Variants in CACNB2 observed in about 807,000 individuals in gnomAD.
The protein encoded by CACNB2 is voltage-dependent L-type calcium channel subunit beta-2.
Under a neutral mutation model 73.3 loss-of-function variants are expected in CACNB2, and 42 were observed. That is an observed-to-expected ratio of 0.57 (90% CI 0.45 to 0.74). The LOEUF is 0.74. Among genes scored for constraint, CACNB2 ranks in the 30% least tolerant of loss-of-function variants. CACNB2 has a pLI of 0.00. For synonymous variants in CACNB2, 348 were observed against 310.3 expected, an observed-to-expected ratio of 1.12 and a Z score of -1.28; for missense variants, 940 against 853.0, an observed-to-expected ratio of 1.10 and a Z score of -1.27.
At chr10:18,168,862 C>A (rs1355875931) in intron 2 of CACNB2, among the ~76,000 whole-genome samples, 1 of 152,176 alleles carries the variant, frequency 6.6e-6, no homozygotes, top group Non-Finnish European at 1.5e-5. Context: ...GGTTCCTTGA[C>A]ATAGGCCAAT....
At chr10:18,487,909 C>G (rs1027415834) in intron 3 of CACNB2, among the ~76,000 whole-genome samples, 4 of 151,716 alleles carry the variant, frequency 2.6e-5, no homozygotes, top group African/African-American at 7.2e-5. Flanking sequence ...ACCAAGGACC[C>G]TGCACAGGAA....
At chr10:18,499,875 G>A (rs1370306836) in intron 4 of CACNB2, among the ~76,000 whole-genome samples, 1 of 151,774 alleles carries the variant, frequency 6.6e-6, no homozygotes, top group Non-Finnish European at 1.5e-5. Context: ...TACTCAGGAG[G>A]CCAGTGGATT....
At chr10:18,369,540 A>C (rs2042490476) in intron 2 of CACNB2, among the ~76,000 whole-genome samples, 1 of 152,192 alleles carries the variant, frequency 6.6e-6, no homozygotes, top group South Asian at 2.1e-4. Context: ...CTTTGAAAGG[A>C]CTACTTTATT....
chr10:18,489,390 C>CAAA (rs66974116), intron 3 of CACNB2, among the ~76,000 whole-genome samples: 5 of 59,778 alleles, frequency 8.4e-5, no homozygotes, highest in South Asian at 1.7e-3. Flanking sequence ...AACTCCATCT[C>CAAA]AAAAAAAAAA....
In CACNB2 at chr10:18,398,674, CACACACACACACACACAT is replaced by C. The variant is rs1318615177; in HGVS notation, c.214-3232_214-3215del. Among the ~76,000 whole-genome samples the C allele has an allele frequency of 6.2e-3, 786 of 127,780 alleles. 5 individuals carry two copies. Among genetic ancestry groups the C allele is most frequent in the African/African-American group, 0.021 (679 of 32,638 alleles). The allele number at this position is 127,780 out of a possible 152,430, so 83.8% of individuals were successfully genotyped here. ...TGGGTGACAGTGAGACTGTCACACA[CACACACACACACACACAT>C]ACACACACACACACACACACACAAT... On this transcript the variant is annotated intron_variant, in intron 2 of 13. Coordinates refer to ENST00000324631, the MANE Select transcript of CACNB2 (RefSeq NM_201596.3).
At chr10:18,198,816 T>G (rs1308875229) in intron 2 of CACNB2, among the ~76,000 whole-genome samples, 1 of 152,194 alleles carries the variant, frequency 6.6e-6, no homozygotes, top group South Asian at 2.1e-4. Context: ...AGATCCACCT[T>G]CCATTCTCCC....
chr10:18,507,570 G>T (rs1006369195), intron 6 of CACNB2, among the ~76,000 whole-genome samples: 1 of 152,132 alleles, frequency 6.6e-6, no homozygotes, highest in African/African-American at 2.4e-5. Context: ...TGCTAAATCT[G>T]GGAACTCTCC....
At chr10:18,213,210 C>A (rs905033635) in intron 2 of CACNB2, among the ~76,000 whole-genome samples, 1 of 152,132 alleles carries the variant, frequency 6.6e-6, no homozygotes, top group South Asian at 2.1e-4. Flanking sequence ...AAGGGTCCTG[C>A]GCCTTGGTAG....
At chr10:18,433,024 T>C (rs1023641874) in intron 3 of CACNB2, among the ~76,000 whole-genome samples, 45 of 152,132 alleles carry the variant, frequency 3.0e-4, no homozygotes, top group Non-Finnish European at 5.9e-5. Context: ...CCTTTGGGCT[T>C]CCTGTTTCTG....
intron 2 of CACNB2, among the ~76,000 whole-genome samples, chr10:18,395,194 T>C (rs1472987015): frequency 2.0e-5 from 3 of 152,212 alleles, no homozygotes; most frequent in Admixed American, 6.5e-5. Flanking sequence ...CACTGACCTC[T>C]TTTCAATTCC....
At chr10:18,469,879 A>G (rs953263432) in intron 3 of CACNB2, among the ~76,000 whole-genome samples, 1 of 152,178 alleles carries the variant, frequency 6.6e-6, no homozygotes, top group Non-Finnish European at 1.5e-5. Context: ...CCACATTTAT[A>G]CATGTTTATG....
intron 2 of CACNB2, among the ~76,000 whole-genome samples, chr10:18,262,534 G>A (rs1245324476): frequency 2.0e-5 from 3 of 152,192 alleles, no homozygotes; most frequent in Non-Finnish European, 4.4e-5. Flanking sequence ...GACGACATCT[G>A]CAGGGATAGA....
intron 2 of CACNB2, among the ~76,000 whole-genome samples, chr10:18,176,833 A>G (rs1320698458): frequency 6.6e-6 from 1 of 151,756 alleles, no homozygotes; most frequent in Non-Finnish European, 1.5e-5. Context: ...GGATGTGGGG[A>G]TAGTAGTTCA....
At chr10:18,374,120 G>A (rs777928240) in intron 2 of CACNB2, among the ~76,000 whole-genome samples, 16 of 152,204 alleles carry the variant, frequency 1.1e-4, no homozygotes, top group Non-Finnish European at 2.1e-4. Flanking sequence ...AAGACATAAA[G>A]TACTGTTTTG....
intron 2 of CACNB2, among the ~76,000 whole-genome samples, chr10:18,322,973 T>G (rs2040450362): frequency 6.7e-6 from 1 of 148,994 alleles, no homozygotes; most frequent in Admixed American, 6.7e-5. Context: ...TTTTTTTTTT[T>G]TTTTTTTGAG....
Position 18,369,204 on chromosome 10 carries a change from G to A in CACNB2, c.214-32720G>A, listed in dbSNP as rs79909319. The stretch of plus-strand genomic sequence containing the variant: ...TCTTACAGTAAAATTTGCCAGAGGC[G>A]TACTATTTAAATTACAATTAAGCTA... On this transcript the variant is annotated intron_variant, in intron 2 of 13. Coordinates refer to ENST00000324631, the MANE Select transcript of CACNB2 (RefSeq NM_201596.3). Among the ~76,000 whole-genome samples, 561 of 152,244 alleles carry A rather than the reference G, an allele frequency of 3.7e-3. 10 individuals carry two copies. Among genetic ancestry groups the A allele is most frequent in the East Asian group, 0.035 (180 of 5,188 alleles).
intron 2 of CACNB2, among the ~76,000 whole-genome samples, chr10:18,389,859 G>A (rs1014564221): frequency 6.6e-6 from 1 of 152,118 alleles, no homozygotes; most frequent in African/African-American, 2.4e-5. Context: ...ATTTAATGAG[G>A]TTGAACATCT....
At chr10:18,524,531 T>C (rs1354642831) in intron 9 of CACNB2, among the ~76,000 whole-genome samples, 2 of 151,752 alleles carry the variant, frequency 1.3e-5, no homozygotes, top group Non-Finnish European at 2.9e-5. Context: ...GGTGGGCACC[T>C]GTAATCCCAG....
chr10:18,323,445 T>C (rs1333707792), intron 2 of CACNB2, among the ~76,000 whole-genome samples: 1 of 152,150 alleles, frequency 6.6e-6, no homozygotes, highest in Non-Finnish European at 1.5e-5. Flanking sequence ...TTGTATAATA[T>C]TCCATTTTAG....
Sources: allele counts gnomAD v4.1 joint callset (sites outside exome capture counted in the v4.1 genomes callset), GRCh38; gene constraint gnomAD v4.1.1; transcripts MANE v1.5; gene names NCBI Gene and HGNC (gene_info 2026-07-23, HGNC 2026-07-21).